IGSF10: variants seen among roughly 807,000 people sequenced by gnomAD.
IGSF10 encodes the protein immunoglobulin superfamily member 10, also known as calvaria mechanical force protein 608.
IGSF10 carries 126 observed loss-of-function variants against 128.2 expected under a neutral mutation model. That is an observed-to-expected ratio of 0.98 (90% CI 0.85 to 1.14). The LOEUF (loss-of-function observed/expected upper bound fraction) is 1.14. Ranked by LOEUF, IGSF10 falls within the 50% of genes most tolerant of loss-of-function variation. The pLI is 0.00. For synonymous variants in IGSF10, 1,185 were observed against 1,146.2 expected (o/e 1.03, Z -0.68); for missense variants, 3,295 against 3,149.8 (o/e 1.05, Z -1.10).
At chr3:151,521,998 T>A in the IGSF10 span, among the ~76,000 whole-genome samples, 5 of 151,690 alleles carry the variant, frequency 3.3e-5, no homozygotes, top group Admixed American at 1.3e-4. Context: ...TAAACACAAT[T>A]AGAAATGATG....
chr3:151,556,310 T>C, the IGSF10 span, among the ~76,000 whole-genome samples: 1 of 152,168 alleles, frequency 6.6e-6, no homozygotes, highest in East Asian at 1.9e-4. Flanking sequence ...CTACCCAAAA[T>C]GTATGAAAGT....
intron 4 of IGSF10, among the ~76,000 whole-genome samples, chr3:151,456,021 T>C (rs1235900437): frequency 1.3e-5 from 2 of 152,196 alleles, no homozygotes; most frequent in Non-Finnish European, 2.9e-5. Context: ...TTGCCCCAAA[T>C]GTAACCTGGG....
the IGSF10 span, among the ~76,000 whole-genome samples, chr3:151,496,886 T>A: frequency 2.0e-4 from 31 of 152,268 alleles, 1 homozygote; most frequent in South Asian, 6.4e-3. Context: ...TGGTGGGAGA[T>A]GTTATCTCAT....
At chr3:151,503,858 G>A in the IGSF10 span, among the ~76,000 whole-genome samples, 3 of 152,094 alleles carry the variant, frequency 2.0e-5, no homozygotes, top group South Asian at 4.2e-4. Context: ...AATTGCAGGG[G>A]GTCGAGTTCT....
the IGSF10 span, among the ~76,000 whole-genome samples, chr3:151,573,421 G>A: frequency 6.6e-6 from 1 of 152,174 alleles, no homozygotes; most frequent in East Asian, 1.9e-4. Flanking sequence ...CCTGCATTGG[G>A]TGCATATATA....
At chr3:151,610,524 TTTGTAATAACAATTG>T in the IGSF10 span, among the ~76,000 whole-genome samples, 1 of 152,190 alleles carries the variant, frequency 6.6e-6, no homozygotes, top group Non-Finnish European at 1.5e-5. Context: ...AATGATCATT[TTTGTAATAACAATTG>T]TTTTATTAAA....
the IGSF10 span, among the ~76,000 whole-genome samples, chr3:151,567,912 G>C: frequency 6.6e-6 from 1 of 152,166 alleles, no homozygotes; most frequent in Non-Finnish European, 1.5e-5. Flanking sequence ...CCTATTTCTA[G>C]GGAACTGTGA....
rs183400001 is a variant in IGSF10, at chr3:151,439,102, A to T, written c.5964-505T>A. Among the ~76,000 whole-genome samples, 727 of 151,568 alleles carry T rather than the reference A, an allele frequency of 4.8e-3. 3 individuals carry two copies. Among genetic ancestry groups the T allele is most frequent in the African/African-American group, 0.012 (473 of 40,914 alleles). ...AATCTCCGTTACATAGTAATTTTTT[A>T]AAAAAAATCTTAATGAAGAGGCACA... On this transcript the variant is annotated intron_variant, in intron 7 of 7. Transcript: ENST00000282466.
intron 7 of IGSF10, 58 bp from the exon 8 acceptor site, chr3:151,438,655 T>A (rs1362998352): frequency 7.3e-7 from 1 of 1,362,350 alleles, no homozygotes; most frequent in Non-Finnish European, 1.0e-6. Flanking sequence ...GGAAACTGTT[T>A]TACTCAGGAT....
chr3:151,493,391 C>T, the IGSF10 span, among the ~76,000 whole-genome samples: 6 of 152,098 alleles, frequency 3.9e-5, no homozygotes, highest in South Asian at 2.1e-4. Flanking sequence ...TTTTGGTCAA[C>T]GATGGACCCC....
chr3:151,455,354 T>TA (rs1721734767), intron 4 of IGSF10, among the ~76,000 whole-genome samples: 1 of 63,834 alleles, frequency 1.6e-5, no homozygotes, highest in East Asian at 4.7e-4. Flanking sequence ...TCAGGTGATC[T>TA]GCCCCCCCTT....
At chr3:151,507,565 A>G in the IGSF10 span, among the ~76,000 whole-genome samples, 3 of 152,278 alleles carry the variant, frequency 2.0e-5, no homozygotes, top group Admixed American at 2.0e-4. Flanking sequence ...GAGGCCTCAG[A>G]AAACTTACAA....
At chr3:151,521,330 G>A in the IGSF10 span, among the ~76,000 whole-genome samples, 978 of 151,736 alleles carry the variant, frequency 6.4e-3, 7 homozygotes, top group Admixed American at 0.013. Flanking sequence ...ATTCAGATAT[G>A]CAGGACCTGA....
the IGSF10 span, among the ~76,000 whole-genome samples, chr3:151,520,891 A>G: frequency 1.3e-5 from 2 of 151,914 alleles, no homozygotes; most frequent in African/African-American, 4.8e-5. Flanking sequence ...CTAACCTTGA[A>G]TGTATAAAAA....
the IGSF10 span, among the ~76,000 whole-genome samples, chr3:151,498,784 A>G: frequency 2.0e-5 from 3 of 152,136 alleles, no homozygotes; most frequent in African/African-American, 7.2e-5. Flanking sequence ...TTTTTCCCCC[A>G]TAATGGACCT....
chr3:151,534,630 G>T, the IGSF10 span, among the ~76,000 whole-genome samples: 2 of 135,406 alleles, frequency 1.5e-5, no homozygotes, highest in African/African-American at 5.6e-5. Flanking sequence ...GGGGAGGGGG[G>T]TCATCACACA....
At chr3:151,464,257 C>T (rs1722199598), upstream of IGSF10, among the ~76,000 whole-genome samples, 1 of 152,020 alleles carries the variant, frequency 6.6e-6, no homozygotes, top group African/African-American at 2.4e-5. Context: ...TCTTTAAATC[C>T]TCCCCCTCTT....
Position 151,437,712 on chromosome 3 carries a change from G to A in IGSF10, c.6849C>T (p.Ala2283=). 2 of 1,614,098 alleles carry A rather than the reference G, an allele frequency of 1.2e-6. No individual in the cohort carries two copies. The highest frequency in any genetic ancestry group is 1.7e-6 in the Non-Finnish European group (2 of 1,180,022). ...WIMPDNIFLT[A]PYYGSRITVH... is the part of the protein sequence containing the mutation. ...CTGTGATTCTGCTTCCATAGTATGG[G>A]GCTGTGAGGAAAATATTGTCTGGCA... Residue 2283 remains alanine (A), a synonymous_variant, in exon 8 of 8, where the codon GCC becomes GCT. Transcript: ENST00000282466.
chr3:151,436,889 G>T lies in IGSF10; in HGVS notation c.7672C>A (p.Pro2558Thr). The T allele has an allele frequency of 1.2e-6, 2 of 1,614,078 alleles. No homozygotes were observed. Among genetic ancestry groups the T allele is most frequent in the Admixed American group, 3.3e-5 (2 of 60,016 alleles). ...LHCVALGVPK[P>T]EITWEMPDHS... Reference sequence around the variant, plus strand: ...TCAGGCATCTCCCATGTGATTTCTGGCTTGGGAACTCCCAAGGCCACACAG... The same window carrying T: ...TCAGGCATCTCCCATGTGATTTCTGTCTTGGGAACTCCCAAGGCCACACAG... Residue 2558 changes from proline (P) to threonine (T), a missense_variant, in exon 8 of 8, where the codon CCA becomes ACA. By Grantham distance (38) the Pro-to-Thr change is conservative (BLOSUM62 -1). Coordinates refer to ENST00000282466, the MANE Select transcript of IGSF10 (RefSeq NM_178822.5).
Sources: gnomAD v4.1 joint callset for allele counts (sites outside exome capture counted in the v4.1 genomes callset) on GRCh38, gnomAD v4.1.1 for gene constraint, MANE v1.5 for transcripts, NCBI Gene and HGNC (gene_info 2026-07-23, HGNC 2026-07-21) for gene names.